The following SAMD12 variants were observed in gnomAD, a reference collection of about 807,000 sequenced individuals.
SAMD12 encodes the protein sterile alpha motif domain-containing protein 12.
SAMD12 carries 9 observed loss-of-function variants against 15.0 expected under a neutral mutation model. The ratio of observed to expected loss-of-function variants is 0.60; its 90% CI spans 0.36 to 1.05. The LOEUF (loss-of-function observed/expected upper bound fraction) is 1.05. Ranked by LOEUF, SAMD12 falls within the 50% of genes least tolerant of loss-of-function variation. The pLI is 0.01. For missense variants in SAMD12, 230 were observed against 234.2 expected (o/e 0.98, Z 0.12); for synonymous variants, 86 against 90.1 (o/e 0.96, Z 0.25).
chr8:118,317,145 C>T (rs528653603), intron 4 of SAMD12, among the ~76,000 whole-genome samples: 1 of 152,212 alleles, frequency 6.6e-6, no homozygotes, highest in Admixed American at 6.5e-5. Context: ...GAGAGACCAC[C>T]TCTACAGACA....
intron 2 of SAMD12, among the ~76,000 whole-genome samples, chr8:118,566,142 C>T (rs1586823347): frequency 6.6e-6 from 1 of 152,304 alleles, no homozygotes; most frequent in Non-Finnish European, 1.5e-5. Flanking sequence ...CACATGATCT[C>T]CCCAATATCA....
At chr8:118,538,777 G>T (rs1275923922) in intron 2 of SAMD12, among the ~76,000 whole-genome samples, 1 of 152,174 alleles carries the variant, frequency 6.6e-6, no homozygotes, top group East Asian at 1.9e-4. Flanking sequence ...GTGGACAGTT[G>T]TTTAATTAGG....
intron 4 of SAMD12, among the ~76,000 whole-genome samples, chr8:118,334,737 T>C (rs983560792): frequency 6.6e-6 from 1 of 152,072 alleles, no homozygotes; most frequent in African/African-American, 2.4e-5. Context: ...CTGGGGCTAC[T>C]GTCATGCACC....
chr8:118,306,579 C>A (rs879714852), intron 4 of SAMD12, among the ~76,000 whole-genome samples: 11 of 152,264 alleles, frequency 7.2e-5, no homozygotes, highest in Non-Finnish European at 1.2e-4. Flanking sequence ...GGACCAAAAG[C>A]TAGAAGGAAC....
chr8:118,163,883 CAAAACAA>C, the SAMD12 span, among the ~76,000 whole-genome samples: 1 of 13,704 alleles, frequency 7.3e-5, no homozygotes, highest in South Asian at 1.7e-3. Context: ...TCAAACAAAA[CAAAACAA>C]AACAAAACAA....
At chr8:118,280,397 A>G (rs1209255172) in intron 4 of SAMD12, among the ~76,000 whole-genome samples, 1 of 152,188 alleles carries the variant, frequency 6.6e-6, no homozygotes, top group Non-Finnish European at 1.5e-5. Flanking sequence ...ACTCTGTGCT[A>G]CATGGGCAGG....
At chr8:118,173,559 T>C in the SAMD12 span, among the ~76,000 whole-genome samples, 3 of 147,946 alleles carry the variant, frequency 2.0e-5, no homozygotes, top group Admixed American at 1.4e-4. Flanking sequence ...TATTTATATA[T>C]ATATATAATC....
intron 4 of SAMD12, among the ~76,000 whole-genome samples, chr8:118,343,751 T>C (rs1296267999): frequency 6.6e-6 from 1 of 152,074 alleles, no homozygotes; most frequent in Non-Finnish European, 1.5e-5. Context: ...GAGTGTATTG[T>C]GTAGAGGGGG....
chr8:118,408,491 T>C (rs1474301027), intron 3 of SAMD12, among the ~76,000 whole-genome samples: 1 of 152,176 alleles, frequency 6.6e-6, no homozygotes, highest in Non-Finnish European at 1.5e-5. Flanking sequence ...GTGGACAGAA[T>C]AGTCAAGTTT....
At chr8:118,577,399 G>T (rs1465042899) in intron 2 of SAMD12, among the ~76,000 whole-genome samples, 1 of 152,132 alleles carries the variant, frequency 6.6e-6, no homozygotes, top group African/African-American at 2.4e-5. Context: ...CAACAGGGTA[G>T]ATTAAGCACA....
intron 2 of SAMD12, among the ~76,000 whole-genome samples, chr8:118,458,584 A>T (rs1252933456): frequency 6.6e-6 from 1 of 152,088 alleles, no homozygotes; most frequent in African/African-American, 2.4e-5. Flanking sequence ...TTCCAAACTC[A>T]TTTTCCACTG....
chr8:118,304,165 G>A (rs1586479267), intron 4 of SAMD12, among the ~76,000 whole-genome samples: 2 of 152,254 alleles, frequency 1.3e-5, no homozygotes, highest in Admixed American at 6.5e-5. Flanking sequence ...GAGGACACTC[G>A]ATTCTTCCTG....
intron 3 of SAMD12, among the ~76,000 whole-genome samples, chr8:118,431,788 T>C (rs1478408797): frequency 6.6e-6 from 1 of 152,066 alleles, no homozygotes; most frequent in Non-Finnish European, 1.5e-5. Context: ...CTTGGATATG[T>C]GGTTCAATGT....
intron 4 of SAMD12, among the ~76,000 whole-genome samples, chr8:118,297,518 C>CAT (rs1255665018): frequency 1.4e-4 from 22 of 152,190 alleles, no homozygotes; most frequent in East Asian, 3.9e-4. Context: ...ATTTAAAAAG[C>CAT]ATATATATAT....
intron 4 of SAMD12, among the ~76,000 whole-genome samples, chr8:118,251,325 C>A (rs532007995): frequency 6.6e-6 from 1 of 152,060 alleles, no homozygotes; most frequent in Non-Finnish European, 1.5e-5. Context: ...CAGAGAAGCA[C>A]CAGGCATCTC....
chr8:118,452,558 T>A (rs1020865707), intron 2 of SAMD12, among the ~76,000 whole-genome samples: 1 of 152,226 alleles, frequency 6.6e-6, no homozygotes, highest in Admixed American at 6.5e-5. Flanking sequence ...TGTCCATGCA[T>A]GTATCTTTAC....
intron 2 of SAMD12, among the ~76,000 whole-genome samples, chr8:118,552,370 A>C (rs1294257104): frequency 6.6e-6 from 1 of 152,226 alleles, no homozygotes; most frequent in Non-Finnish European, 1.5e-5. Context: ...AGGCTGGTTC[A>C]ATATATGCAA....
Position 118,321,144 on chromosome 8 carries a change from A to AATATATATATATATAT in SAMD12, c.433+58400_433+58415dup, listed in dbSNP as rs4053452. Among the ~76,000 whole-genome samples the AATATATATATATATAT allele has an allele frequency of 2.2e-3, 210 of 94,410 alleles. 2 individuals carry two copies. The highest frequency in any genetic ancestry group is 6.8e-3 in the Middle Eastern group (1 of 146). 61.9% of individuals were successfully genotyped at this position (94,410 alleles called of 152,430 possible). The stretch of plus-strand genomic sequence containing the variant: ...TATAACATATATATCATAGATAATA[A>AATATATATATATATAT]ATATATATATATATATATATATATA... On this transcript the variant is annotated intron_variant, in intron 4 of 4. Transcript: ENST00000409003.
intron 2 of SAMD12, among the ~76,000 whole-genome samples, chr8:118,488,425 C>T (rs1824347909): frequency 6.6e-6 from 1 of 152,078 alleles, no homozygotes; most frequent in Non-Finnish European, 1.5e-5. Context: ...AGGTACAGTG[C>T]AATAATATTT....
Sources: allele counts gnomAD v4.1 joint callset (sites outside exome capture counted in the v4.1 genomes callset), GRCh38; gene constraint gnomAD v4.1.1; transcripts MANE v1.5; gene names NCBI Gene and HGNC (gene_info 2026-07-23, HGNC 2026-07-21).